The following GALNT6 variants were observed in gnomAD, a reference collection of about 807,000 sequenced individuals.
GALNT6 encodes the protein GalNAc transferase 6.
Under a neutral mutation model 65.9 loss-of-function variants are expected in GALNT6, and 51 were observed. The ratio of observed to expected loss-of-function variants is 0.77; its 90% confidence interval spans 0.62 to 0.98. GALNT6 has a LOEUF of 0.98. Ranked by LOEUF, GALNT6 falls within the 50% of genes least tolerant of loss-of-function variation. The probability of loss-of-function intolerance (pLI) is 0.00; values close to 1 mark genes in which losing one functional copy is unlikely to be tolerated. For missense variants in GALNT6, 708 were observed against 803.3 expected (o/e 0.88, Z 1.43); for synonymous variants, 323 against 315.1 (o/e 1.02, Z -0.26).
In GALNT6 at chr12:51,365,501, C is replaced by T; in HGVS notation, c.743G>A (p.Gly248Glu). ...CCCCAGCAGCCGGGCGGTGATCAGCCCCTTCCGCTCCTCCTGCCGCACCAC... is the reference window on the plus strand; with the variant it reads ...CCCCAGCAGCCGGGCGGTGATCAGCTCCTTCCGCTCCTCCTGCCGCACCAC... ...VRVVRQEERK[G>E]LITARLLGAS... Residue 248 changes from glycine (G) to glutamate (E), a missense_variant, in exon 5 of 12, where the codon GGG becomes GAG. Gly to Glu is a moderately conservative substitution (Grantham distance 98). Coordinates refer to ENST00000356317, the MANE Select transcript of GALNT6 (RefSeq NM_007210.4). 6.2e-7 allele frequency: 1 copy of T among 1,612,522 alleles called. No homozygotes were observed. The highest frequency in any genetic ancestry group is 8.5e-7 in the Non-Finnish European group (1 of 1,180,002).
In GALNT6 at chr12:51,365,562, G is replaced by A. The variant is rs144854999; in HGVS notation, c.682C>T (p.Leu228=). 9 of 1,613,796 alleles carry A rather than the reference G, an allele frequency of 5.6e-6. No individual in the cohort carries two copies. The East Asian group carries it at 1.8e-4, about 32-fold the overall frequency. Residue 228 remains leucine (L), a synonymous_variant, in exon 5 of 12, where the codon CTG becomes TTG. Transcript: ENST00000356317. ...TGCAGCTGCTTCACGTACTGCTCCA[G>A]CTTCTCCTTTAGGTGCTCTGGAAGG... ...ASTEEHLKEK[L]EQYVKQLQVV...
intron 7 of GALNT6, 93 bp downstream of exon 7, chr12:51,360,628 G>T: frequency 1.3e-6 from 1 of 760,694 alleles, no homozygotes; most frequent in Non-Finnish European, 2.4e-6. Flanking sequence ...AGTTCCAGAT[G>T]GGATGTCCCT....
intron 7 of GALNT6, 22 bp downstream of exon 7, chr12:51,360,699 C>A (rs753321051): frequency 6.4e-6 from 9 of 1,411,866 alleles, no homozygotes; most frequent in African/African-American, 1.4e-5. Context: ...GTGGTTCCCC[C>A]CAAAGCCCTC....
At chr12:51,356,579 G>T (rs570732928) in intron 10 of GALNT6, among the ~76,000 whole-genome samples, 1 of 151,468 alleles carries the variant, frequency 6.6e-6, no homozygotes, top group Non-Finnish European at 1.5e-5. Flanking sequence ...GCCCAGACAG[G>T]TCTCAAACTC....
chr12:51,358,237 G>C lies in GALNT6; in HGVS notation c.1393C>G (p.Arg465Gly). The C allele has an allele frequency of 6.2e-7, 1 of 1,613,706 alleles. No individual in the cohort carries two copies. Among genetic ancestry groups the C allele is most frequent in the South Asian group, 1.1e-5 (1 of 91,054 alleles). The stretch of plus-strand genomic sequence containing the variant: ...TGCAGTTGTTCCCTCAGCTGCAGTC[G>C]TTCCGAAATGTCACCGAAGGATTTC... ...QEKSFGDISE[R>G]LQLREQLHCH... is the part of the protein sequence containing the mutation. The change falls in exon 9 of 12, where the codon CGA (arginine) becomes GGA (glycine). Residue 465 changes from arginine to glycine, a missense_variant. Physicochemically the swap from Arg to Gly is moderately radical, Grantham distance 125. Coordinates refer to ENST00000356317, the MANE Select transcript of GALNT6 (RefSeq NM_007210.4).
chr12:51,354,818 C>T lies in GALNT6; in HGVS notation c.1756-326G>A, dbSNP rs201092824. Among the ~76,000 whole-genome samples, 8 of 152,284 alleles carry T rather than the reference C, an allele frequency of 5.3e-5. No homozygotes were observed. The East Asian group carries it at 1.5e-3, about 29-fold the overall frequency. ...AGACCCAGGGCCACTGCTCCACCTC[C>T]AATTTTCTGCCTTGGATTATGTTTA... is the stretch of plus-strand genomic sequence containing the variant. On this transcript the variant is annotated intron_variant, in intron 11 of 11. Transcript: ENST00000356317.
chr12:51,363,602 C>T (rs377597663), intron 6 of GALNT6, among the ~76,000 whole-genome samples: 5 of 152,192 alleles, frequency 3.3e-5, no homozygotes, highest in South Asian at 2.1e-4. Flanking sequence ...ACAAACTTCA[C>T]GCTGCAGAAA....
upstream of GALNT6, chr12:51,391,413 C>G (rs1410750001): frequency 1.3e-5 from 2 of 153,702 alleles, no homozygotes; most frequent in East Asian, 3.8e-4. Flanking sequence ...AGGGACCAGC[C>G]TGGCCCAGCC....
At chr12:51,373,161 G>C (rs959896701) in intron 4 of GALNT6, among the ~76,000 whole-genome samples, 3 of 152,166 alleles carry the variant, frequency 2.0e-5, no homozygotes, top group Admixed American at 6.5e-5. Context: ...TAAGACTTTG[G>C]GGGGACTGTT....
rs772917261 is a variant in GALNT6, at chr12:51,364,343, T to A, written c.827A>T (p.His276Leu). The A allele has an allele frequency of 1.9e-6, 3 of 1,613,702 alleles. No individual in the cohort carries two copies. In the Admixed American group the frequency reaches 5.0e-5, roughly 27 times the overall value. Residue 276 changes from histidine (H) to leucine (L), a missense_variant, in exon 6 of 12, where the codon CAC (histidine) becomes CTC (leucine). Coordinates refer to ENST00000356317, the MANE Select transcript of GALNT6 (RefSeq NM_007210.4). ...AGCCAGGAGGGGCTCCAGCCAGCCG[T>A]GGAAGCACTCACCTGCAGGCCCCAA... ...TFLDAHCECF[H>L]GWLEPLLARI... is the part of the protein sequence containing the mutation.
At chr12:51,357,489 C>G (rs1401849912) in intron 9 of GALNT6, 39 bp from the exon 10 acceptor site, 1 of 1,469,730 alleles carries the variant, frequency 6.8e-7, no homozygotes, top group Non-Finnish European at 9.5e-7. Context: ...CAGGATGGCA[C>G]AGTCAGGAGG....
At chr12:51,389,165 G>C (rs143535351) in intron 2 of GALNT6, among the ~76,000 whole-genome samples, 1 of 152,336 alleles carries the variant, frequency 6.6e-6, no homozygotes, top group Non-Finnish European at 1.5e-5. Flanking sequence ...TTCCCAGAAA[G>C]GGGCAGAGGA....
rs1946635249 is a variant in GALNT6, at chr12:51,352,357, T to C, written c.*2022A>G. On this transcript the variant is annotated 3_prime_UTR_variant, in exon 12 of 12. Transcript: ENST00000356317. ...GAGTCCTTACCCTCAGGGCTACTGA[T>C]ACCTTGCTGGGTGACCTTGGACAGA... is the stretch of plus-strand genomic sequence containing the variant. 6.6e-6 allele frequency: 1 copy of C among 152,338 alleles called. No individual in the cohort carries two copies. Among genetic ancestry groups the C allele is most frequent in the Non-Finnish European group, 1.5e-5 (1 of 68,044 alleles). The allele number at this position is 152,338 out of a possible 1,614,324, so 9.4% of individuals were successfully genotyped here. A position where few individuals can be genotyped will look rare whatever the true frequency, so the allele number is the denominator to read the frequency against.
At chr12:51,374,610 T>G (rs1198708075) in intron 4 of GALNT6, among the ~76,000 whole-genome samples, 6 of 151,976 alleles carry the variant, frequency 3.9e-5, no homozygotes, top group African/African-American at 1.4e-4. Flanking sequence ...AAGTGTGGAG[T>G]CAGTTCCTGC....
At chr12:51,376,673 T>A (rs576482585) in intron 4 of GALNT6, among the ~76,000 whole-genome samples, 2 of 140,188 alleles carry the variant, frequency 1.4e-5, no homozygotes, top group African/African-American at 2.7e-5. Flanking sequence ...CCTATGGGGG[T>A]TTTTAGTATT....
At chr12:51,372,017 G>GC (rs1453794668) in intron 4 of GALNT6, among the ~76,000 whole-genome samples, 1 of 152,120 alleles carries the variant, frequency 6.6e-6, no homozygotes, top group Non-Finnish European at 1.5e-5. Context: ...AGTATCTCTA[G>GC]CGTCTGAAAG....
Position 51,367,099 on chromosome 12 carries a change from A to G in GALNT6, c.665-1520T>C, listed in dbSNP as rs181829008. Among the ~76,000 whole-genome samples, 17 of 152,312 alleles carry G rather than the reference A, an allele frequency of 1.1e-4. No individual in the cohort carries two copies. The East Asian group carries it at 1.9e-3, about 17-fold the overall frequency. On this transcript the variant is annotated intron_variant, in intron 4 of 11. Coordinates refer to ENST00000356317, the MANE Select transcript of GALNT6 (RefSeq NM_007210.4). ...ACCAACATGGAGAAACCCTGTCTCTACTGAAAATACAAAATTAGCTGGGCA... is the reference window on the plus strand; with the variant it reads ...ACCAACATGGAGAAACCCTGTCTCTGCTGAAAATACAAAATTAGCTGGGCA...
rs568290859 is a variant in GALNT6, at chr12:51,364,275, C to G, written c.895G>C (p.Val299Leu). Reference sequence around the variant, plus strand: ...TCAAAAGTATTAAGGTCGATGGTGACGATGTCTGGGCTCACCACCACTGTC... The same window carrying G: ...TCAAAAGTATTAAGGTCGATGGTGAGGATGTCTGGGCTCACCACCACTGTC... ...DKTVVVSPDI[V>L]TIDLNTFEFA... Residue 299 changes from valine to leucine, a missense_variant, in exon 6 of 12, where the codon GTC (valine) becomes CTC (leucine). By Grantham distance (32) the Val-to-Leu change is conservative. Coordinates refer to ENST00000356317, the MANE Select transcript of GALNT6 (RefSeq NM_007210.4). The G allele has an allele frequency of 2.5e-6, 4 of 1,614,012 alleles. No individual in the cohort carries two copies. In the Admixed American group the frequency reaches 6.7e-5, roughly 27 times the overall value.
intron 5 of GALNT6, among the ~76,000 whole-genome samples, 192 bp downstream of exon 5, chr12:51,365,238 A>T (rs1027913705): frequency 1.7e-4 from 26 of 152,058 alleles, no homozygotes; most frequent in Non-Finnish European, 1.5e-4. Context: ...TGTTTTAGGG[A>T]TGTTTGTCTT....
Sources: gnomAD v4.1 joint callset for allele counts (sites outside exome capture counted in the v4.1 genomes callset) on GRCh38, gnomAD v4.1.1 for gene constraint, MANE v1.5 for transcripts, NCBI Gene and HGNC (gene_info 2026-07-23, HGNC 2026-07-21) for gene names.